Variants in EPHA6 observed in about 807,000 individuals in gnomAD.
EPHA6 encodes the protein EPH receptor A6.
In EPHA6, 50 loss-of-function variants were observed where a neutral mutation model predicts 112.0. The ratio of observed to expected loss-of-function variants is 0.45; its 90% CI spans 0.36 to 0.56. The LOEUF (loss-of-function observed/expected upper bound fraction) is 0.56, where lower values mean the gene tolerates loss of function less well. Ranked by LOEUF, EPHA6 falls within the 20% of genes least tolerant of loss-of-function variation. The pLI, the probability that EPHA6 is intolerant of heterozygous loss-of-function variation, is 0.00. For synonymous variants in EPHA6, 529 were observed against 490.7 expected (o/e 1.08, Z -1.03); for missense variants, 1,280 against 1,417.4 (o/e 0.90, Z 1.56).
chr3:97,321,837 T>C (rs1261091959), intron 5 of EPHA6, among the ~76,000 whole-genome samples: 1 of 152,136 alleles, frequency 6.6e-6, no homozygotes, highest in African/African-American at 2.4e-5. Flanking sequence ...AAAAATCATA[T>C]TTCCAGGCAG....
At chr3:97,524,304 TTAAAG>T (rs2092588461) in intron 10 of EPHA6, among the ~76,000 whole-genome samples, 1 of 152,044 alleles carries the variant, frequency 6.6e-6, no homozygotes, top group African/African-American at 2.4e-5. Flanking sequence ...TATCTTATAG[TTAAAG>T]TATTCTAATT....
At chr3:96,973,173 G>A (rs1345828407) in intron 2 of EPHA6, among the ~76,000 whole-genome samples, 1 of 152,100 alleles carries the variant, frequency 6.6e-6, no homozygotes, top group Non-Finnish European at 1.5e-5. Flanking sequence ...ATGTAGAAGG[G>A]TTTTTAGAGA....
chr3:97,591,927 G>A (rs192263112), intron 11 of EPHA6, among the ~76,000 whole-genome samples: 189 of 152,082 alleles, frequency 1.2e-3, no homozygotes, highest in Non-Finnish European at 2.3e-3. Context: ...CTGTTATTTC[G>A]TTCTGACACT....
intron 3 of EPHA6, among the ~76,000 whole-genome samples, chr3:97,190,946 A>G (rs1412114929): frequency 6.6e-6 from 1 of 152,142 alleles, no homozygotes; most frequent in Non-Finnish European, 1.5e-5. Flanking sequence ...AATAATTATT[A>G]TAGTTACTAT....
At chr3:97,538,364 G>A (rs1420099597) in intron 11 of EPHA6, among the ~76,000 whole-genome samples, 1 of 152,134 alleles carries the variant, frequency 6.6e-6, no homozygotes, top group African/African-American at 2.4e-5. Context: ...GTTTCCATAA[G>A]TAAAAAGATG....
At position 97,110,651 on chromosome 3, in the gene EPHA6, A is replaced by G. The variant is rs901030811; in HGVS notation, c.1115-115613A>G. Among the ~76,000 whole-genome samples, 8 of 151,910 alleles carry G rather than the reference A, an allele frequency of 5.3e-5. No homozygotes were observed. The South Asian group carries it at 8.3e-4, about 16-fold the overall frequency. On this transcript the variant is annotated intron_variant, in intron 3 of 17. Coordinates refer to ENST00000389672, the MANE Select transcript of EPHA6 (RefSeq NM_001080448.3). ...GCGATCCTCCCTCCTCAGCCTCCCA[A>G]GTAGCTGGGATTACAAGCATGTGCC... is the stretch of plus-strand genomic sequence containing the variant.
intron 11 of EPHA6, among the ~76,000 whole-genome samples, chr3:97,566,388 A>G (rs530463692): frequency 6.6e-6 from 1 of 152,304 alleles, no homozygotes; most frequent in South Asian, 2.1e-4. Context: ...CTATATCAGT[A>G]CTCAACCTAT....
Position 96,814,600 on chromosome 3 carries a change from C to A in EPHA6, c.-24C>A. 1.5e-6 allele frequency: 2 copies of A among 1,376,994 alleles called. No individual in the cohort carries two copies. The highest frequency in any genetic ancestry group is 1.9e-6 in the Non-Finnish European group (2 of 1,062,602). 85.3% of individuals were successfully genotyped at this position (1,376,994 alleles called of 1,614,324 possible). On this transcript the variant is annotated 5_prime_UTR_variant, in exon 1 of 18. Transcript: ENST00000389672. ...CTCTCCGGCCCAAGTGAATAGTCCT[C>A]GCGCAAGCGGGACACTGTGGTGGAT...
At chr3:97,388,321 T>C (rs1327289827) in intron 5 of EPHA6, among the ~76,000 whole-genome samples, 2 of 152,084 alleles carry the variant, frequency 1.3e-5, no homozygotes, top group East Asian at 3.9e-4. Context: ...TTTTTTTTAA[T>C]CTTCTTAGTT....
chr3:97,632,208 T>C (rs1473208613), intron 13 of EPHA6, among the ~76,000 whole-genome samples: 4 of 152,004 alleles, frequency 2.6e-5, no homozygotes, highest in African/African-American at 9.7e-5. Flanking sequence ...TACCGCATAC[T>C]GAAAGTTTGA....
chr3:97,085,868 G>T (rs181012329), intron 3 of EPHA6, among the ~76,000 whole-genome samples: 1 of 148,808 alleles, frequency 6.7e-6, no homozygotes, highest in South Asian at 2.1e-4. Flanking sequence ...AAGTTCTCTC[G>T]TAGAAATTGA....
chr3:97,324,429 C>CTTTCT (rs2082286541), intron 5 of EPHA6, among the ~76,000 whole-genome samples: 1 of 145,366 alleles, frequency 6.9e-6, no homozygotes, highest in South Asian at 2.2e-4. Context: ...TTCTTTCTTT[C>CTTTCT]TTTCTTTCTT....
chr3:97,362,969 T>C (rs2084456833), intron 5 of EPHA6, among the ~76,000 whole-genome samples: 1 of 151,114 alleles, frequency 6.6e-6, no homozygotes, highest in Non-Finnish European at 1.5e-5. Context: ...TAATTATTTA[T>C]AGAATTTAAG....
chr3:97,095,127 T>C (rs193195853), intron 3 of EPHA6, among the ~76,000 whole-genome samples: 97 of 152,186 alleles, frequency 6.4e-4, no homozygotes, highest in African/African-American at 2.2e-3. Context: ...TTGAAACTAT[T>C]TTCAACAAAA....
intron 5 of EPHA6, among the ~76,000 whole-genome samples, chr3:97,399,459 A>T (rs2086864845): frequency 6.6e-6 from 1 of 151,490 alleles, no homozygotes; most frequent in East Asian, 1.9e-4. Context: ...ACCCAGTAGT[A>T]GGATATCTGG....
intron 11 of EPHA6, among the ~76,000 whole-genome samples, chr3:97,558,697 T>A (rs1054203143): frequency 2.6e-5 from 4 of 152,042 alleles, no homozygotes; most frequent in African/African-American, 9.7e-5. Context: ...TAAACTCAAG[T>A]GCTTTTAGGA....
At chr3:97,043,144 TA>T (rs1262630505) in intron 3 of EPHA6, among the ~76,000 whole-genome samples, 1 of 152,136 alleles carries the variant, frequency 6.6e-6, no homozygotes, top group Non-Finnish European at 1.5e-5. Flanking sequence ...TTGAAATCCC[TA>T]AATATGTGGA....
intron 11 of EPHA6, among the ~76,000 whole-genome samples, chr3:97,557,800 T>C (rs1488173895): frequency 6.6e-6 from 1 of 151,360 alleles, no homozygotes; most frequent in Non-Finnish European, 1.5e-5. Context: ...AGCTTGTGCA[T>C]ATGTTTTAAA....
chr3:97,226,338 T>C lies in EPHA6; in HGVS notation c.1189T>C (p.Tyr397His), dbSNP rs1289472474. 1.2e-6 allele frequency: 2 copies of C among 1,613,850 alleles called. No homozygotes were observed. Among genetic ancestry groups the C allele is most frequent in the Middle Eastern group, 1.7e-4 (1 of 6,058 alleles). ...CSKCPPHSLT[Y>H]MEATSVCQCE... ...TAAATGTCCTCCACACAGTTTAACATACATGGAAGCAACTTCTGTCTGTCA... is the reference window on the plus strand; with the variant it reads ...TAAATGTCCTCCACACAGTTTAACACACATGGAAGCAACTTCTGTCTGTCA... Residue 397 changes from tyrosine (Y) to histidine (H), a missense_variant, in exon 4 of 18, where the codon TAC becomes CAC. Physicochemically the swap from Tyr to His is moderately conservative, Grantham distance 83. This residue lies in a region of EPHA6 where 878 missense variants were observed against 999.7 expected (regional missense o/e 0.88). Transcript: ENST00000389672.
Sources: allele counts gnomAD v4.1 joint callset (sites outside exome capture counted in the v4.1 genomes callset), GRCh38; gene constraint gnomAD v4.1.1; regional missense constraint gnomAD v4.1.1; transcripts MANE v1.5; gene names NCBI Gene and HGNC (gene_info 2026-07-23, HGNC 2026-07-21).